Variants in C3orf70 observed in about 807,000 individuals in gnomAD.
The protein encoded by C3orf70 is chromosome 3 open reading frame 70.
A neutral mutation model predicts 20.7 loss-of-function variants in C3orf70; 15 were observed. The observed-to-expected ratio is 0.72, with a 90% confidence interval of 0.48 to 1.11. The LOEUF (loss-of-function observed/expected upper bound fraction) is 1.11, where lower values mean the gene tolerates loss of function less well. Among genes scored for constraint, C3orf70 ranks in the 50% most tolerant of loss-of-function variants. The pLI is 0.00. For synonymous variants in C3orf70, 161 were observed against 125.7 expected (o/e 1.28, Z -1.88); for missense variants, 332 against 317.6 (o/e 1.05, Z -0.34).
chr3:185,115,559 T>C (rs1444643760), intron 1 of C3orf70, among the ~76,000 whole-genome samples: 3 of 152,062 alleles, frequency 2.0e-5, no homozygotes, highest in African/African-American at 7.2e-5. Context: ...GCTGGCAAAT[T>C]TGGAAAAAAA....
At chr3:185,129,691 T>C (rs1716489652) in intron 1 of C3orf70, among the ~76,000 whole-genome samples, 1 of 152,242 alleles carries the variant, frequency 6.6e-6, no homozygotes, top group Non-Finnish European at 1.5e-5. Context: ...TGCAGAAGCA[T>C]TCCCTTTTCT....
chr3:185,117,672 A>G (rs1374443005), intron 1 of C3orf70, among the ~76,000 whole-genome samples: 2 of 152,166 alleles, frequency 1.3e-5, no homozygotes, highest in African/African-American at 2.4e-5. Context: ...CAAATCCTCA[A>G]ATGGTTCACA....
At chr3:185,138,848 C>T (rs891039802) in intron 1 of C3orf70, among the ~76,000 whole-genome samples, 1 of 152,132 alleles carries the variant, frequency 6.6e-6, no homozygotes. Context: ...ACCTGTAATC[C>T]CAACACTCTG....
intron 1 of C3orf70, among the ~76,000 whole-genome samples, chr3:185,118,200 G>T (rs1716223187): frequency 6.6e-6 from 1 of 152,162 alleles, no homozygotes; most frequent in Non-Finnish European, 1.5e-5. Flanking sequence ...ATAAATGAAT[G>T]TTCTTTCATA....
intron 1 of C3orf70, among the ~76,000 whole-genome samples, chr3:185,148,443 G>A (rs879326434): frequency 6.6e-6 from 1 of 151,968 alleles, no homozygotes; most frequent in African/African-American, 2.4e-5. Flanking sequence ...CTCCCTTCCC[G>A]ACCAAATTTA....
At chr3:185,141,369 C>A (rs966263151) in intron 1 of C3orf70, among the ~76,000 whole-genome samples, 10 of 146,634 alleles carry the variant, frequency 6.8e-5, no homozygotes, top group South Asian at 6.6e-4. Context: ...AAAAAAAAAA[C>A]GAAACATGTA....
intron 1 of C3orf70, among the ~76,000 whole-genome samples, chr3:185,139,153 G>C (rs796092775): frequency 7.5e-6 from 1 of 132,730 alleles, no homozygotes; most frequent in Non-Finnish European, 1.7e-5. Flanking sequence ...GAAGGAGGAG[G>C]AGGAAGGAGG....
In C3orf70 at chr3:185,079,576, G is replaced by C. The variant is rs1715287738; in HGVS notation, c.*3431C>G. The C allele has an allele frequency of 6.6e-6, 1 of 152,100 alleles. No individual in the cohort carries two copies. The highest frequency in any genetic ancestry group is 1.5e-5 in the Non-Finnish European group (1 of 68,030). 9.4% of individuals were successfully genotyped at this position (152,100 alleles called of 1,614,324 possible). The stretch of plus-strand genomic sequence containing the variant: ...ATACCAAACAGTTGTAACCACAAAA[G>C]CACTGTAATCATCATTTCTTGGAAA... On this transcript the variant is annotated 3_prime_UTR_variant, in exon 2 of 2. Transcript: ENST00000335012.
At chr3:185,127,092 C>T (rs114525466) in intron 1 of C3orf70, among the ~76,000 whole-genome samples, 1,617 of 152,258 alleles carry the variant, frequency 0.011, 34 homozygotes, top group African/African-American at 0.036. Context: ...CTGAAAATGT[C>T]GTTCCACTGC....
At chr3:185,113,852 T>C (rs1034689311) in intron 1 of C3orf70, among the ~76,000 whole-genome samples, 2 of 152,320 alleles carry the variant, frequency 1.3e-5, no homozygotes, top group African/African-American at 4.8e-5. Flanking sequence ...TGTAACAATT[T>C]AAATTAACAA....
intron 1 of C3orf70, among the ~76,000 whole-genome samples, chr3:185,135,117 T>G (rs531938649): frequency 7.2e-4 from 110 of 152,134 alleles, no homozygotes; most frequent in African/African-American, 2.6e-3. Flanking sequence ...TCATTTGTCA[T>G]AACAACAAAC....
intron 1 of C3orf70, among the ~76,000 whole-genome samples, chr3:185,111,706 C>A (rs1447721839): frequency 6.6e-6 from 1 of 152,150 alleles, no homozygotes; most frequent in Non-Finnish European, 1.5e-5. Flanking sequence ...TCTGGCCACA[C>A]TGATTGGTGA....
At chr3:185,119,058 G>T (rs1388936028) in intron 1 of C3orf70, among the ~76,000 whole-genome samples, 1 of 152,052 alleles carries the variant, frequency 6.6e-6, no homozygotes, top group Non-Finnish European at 1.5e-5. Context: ...TCAGAGTTTT[G>T]AAACATTTAA....
chr3:185,094,328 T>C (rs1392563645), intron 1 of C3orf70, among the ~76,000 whole-genome samples: 2 of 152,078 alleles, frequency 1.3e-5, no homozygotes, highest in Non-Finnish European at 2.9e-5. Flanking sequence ...CTGCCCACCT[T>C]GTCCTCCCAA....
At chr3:185,150,902 C>A (rs191583379) in intron 1 of C3orf70, among the ~76,000 whole-genome samples, 1 of 152,324 alleles carries the variant, frequency 6.6e-6, no homozygotes, top group East Asian at 1.9e-4. Flanking sequence ...AAGATGATCA[C>A]TAGCTTCATT....
At chr3:185,086,094 C>G (rs1386120053) in intron 1 of C3orf70, among the ~76,000 whole-genome samples, 2 of 152,162 alleles carry the variant, frequency 1.3e-5, no homozygotes, top group Non-Finnish European at 2.9e-5. Flanking sequence ...TCATGCCTTC[C>G]AGAACCATCC....
chr3:185,132,774 A>G (rs986938363), intron 1 of C3orf70, among the ~76,000 whole-genome samples: 3 of 152,240 alleles, frequency 2.0e-5, no homozygotes, highest in Non-Finnish European at 2.9e-5. Flanking sequence ...TGAAGAAGCT[A>G]AATTAATTCT....
rs144940547 is a variant in C3orf70, at chr3:185,144,145, T to A, written c.196+8483A>T. On this transcript the variant is annotated intron_variant, in intron 1 of 1. Coordinates refer to ENST00000335012, the MANE Select transcript of C3orf70 (RefSeq NM_001025266.3). ...TGTTTAATTGAACAAATCAGTACGGTCACAGGGTAGATTCCAGATTAACCA... is the reference window on the plus strand; with the variant it reads ...TGTTTAATTGAACAAATCAGTACGGACACAGGGTAGATTCCAGATTAACCA... Among the ~76,000 whole-genome samples, 331 of 152,276 alleles carry A rather than the reference T, an allele frequency of 2.2e-3. 1 individual carries two copies. Among genetic ancestry groups the A allele is most frequent in the African/African-American group, 7.6e-3 (317 of 41,556 alleles).
intron 1 of C3orf70, among the ~76,000 whole-genome samples, chr3:185,090,213 C>A (rs1715537547): frequency 6.6e-6 from 1 of 152,070 alleles, no homozygotes; most frequent in African/African-American, 2.4e-5. Context: ...AATTACATAG[C>A]AGATATAATT....
Sources: allele counts gnomAD v4.1 joint callset (sites outside exome capture counted in the v4.1 genomes callset), GRCh38; gene constraint gnomAD v4.1.1; transcripts MANE v1.5; gene names NCBI Gene and HGNC (gene_info 2026-07-23, HGNC 2026-07-21).